The following PROM1 variants were observed in gnomAD, a reference collection of about 807,000 sequenced individuals.
PROM1 encodes the protein prominin 1.
Under a neutral mutation model 116.9 loss-of-function variants are expected in PROM1, and 105 were observed. That is an observed-to-expected ratio of 0.90 (90% CI 0.77 to 1.06). The LOEUF (loss-of-function observed/expected upper bound fraction) is 1.06. Among genes scored for constraint, PROM1 ranks in the 50% least tolerant of loss-of-function variants. PROM1 has a pLI of 0.00. For missense variants in PROM1, 1,122 were observed against 1,045.2 expected, an observed-to-expected ratio of 1.07 and a Z score of -1.01; for synonymous variants, 393 against 387.0, an observed-to-expected ratio of 1.02 and a Z score of -0.18.
chr4:16,024,246 G>A lies in PROM1; in HGVS notation c.694+49C>T. 3 of 1,489,040 alleles carry A rather than the reference G, an allele frequency of 2.0e-6. No homozygotes were observed. The South Asian group carries it at 3.5e-5, about 17-fold the overall frequency. The allele number at this position is 1,489,040 out of a possible 1,614,324, so 92.2% of individuals were successfully genotyped here. Reference sequence around the variant, plus strand: ...TCTTAGTCCATGTTTTATGGGAGATGAGTCAAAACAAAGAAAAAAAATGTG... The same window carrying A: ...TCTTAGTCCATGTTTTATGGGAGATAAGTCAAAACAAAGAAAAAAAATGTG... On this transcript the variant is annotated intron_variant, in intron 7 of 27. Coordinates refer to ENST00000447510, the MANE Select transcript of PROM1 (RefSeq NM_006017.3).
intron 2 of PROM1, among the ~76,000 whole-genome samples, chr4:16,047,575 T>TGTTAAAATTAGTTTC (rs1553922740): frequency 6.6e-6 from 1 of 152,100 alleles, no homozygotes; most frequent in African/African-American, 2.4e-5. Context: ...CAATTAGTTT[T>TGTTAAAATTAGTTTC]GTTACAATTA....
At chr4:16,018,073 A>G (rs1728864005) in intron 9 of PROM1, among the ~76,000 whole-genome samples, 1 of 152,044 alleles carries the variant, frequency 6.6e-6, no homozygotes, top group South Asian at 2.1e-4. Flanking sequence ...TTCTTTGTAA[A>G]GTTGAATTAA....
chr4:16,053,359 A>G (rs1738295224), intron 2 of PROM1, among the ~76,000 whole-genome samples: 1 of 152,240 alleles, frequency 6.6e-6, no homozygotes, highest in South Asian at 2.1e-4. Flanking sequence ...TTAACCAGCT[A>G]ACTAATTTTC....
chr4:16,045,644 T>C (rs1286974518), intron 2 of PROM1, among the ~76,000 whole-genome samples: 1 of 151,960 alleles, frequency 6.6e-6, no homozygotes, highest in Non-Finnish European at 1.5e-5. Context: ...AAAACAAAAC[T>C]TTTTTTTCAG....
intron 8 of PROM1, among the ~76,000 whole-genome samples, chr4:16,019,197 A>G (rs1057367187): frequency 6.6e-6 from 1 of 152,052 alleles, no homozygotes; most frequent in African/African-American, 2.4e-5. Flanking sequence ...TGCAAACCCT[A>G]CCCCCTAGGA....
At chr4:15,994,302 T>A (rs1314085298) in intron 15 of PROM1, among the ~76,000 whole-genome samples, 2 of 152,254 alleles carry the variant, frequency 1.3e-5, no homozygotes, top group Admixed American at 1.3e-4. Flanking sequence ...ATAGGATTGA[T>A]GAATATATCT....
chr4:16,015,816 G>A (rs966965026), intron 10 of PROM1, among the ~76,000 whole-genome samples: 12 of 152,132 alleles, frequency 7.9e-5, no homozygotes, highest in Non-Finnish European at 1.3e-4. Context: ...AGAGCAAAAA[G>A]AAAACCAGTA....
intron 8 of PROM1, 45 bp downstream of exon 8, chr4:16,023,281 A>G: frequency 6.8e-7 from 1 of 1,460,248 alleles, no homozygotes; most frequent in African/African-American, 1.4e-5. Context: ...AAGCCCAGGG[A>G]CTCCTGGATG....
intron 4 of PROM1, among the ~76,000 whole-genome samples, chr4:16,035,124 C>A (rs982104922): frequency 6.6e-6 from 1 of 152,148 alleles, no homozygotes; most frequent in Non-Finnish European, 1.5e-5. Context: ...CTTAAGCTAA[C>A]CCCCATCCCA....
chr4:16,077,075 G>A (rs567148470), intron 1 of PROM1, among the ~76,000 whole-genome samples: 24 of 152,330 alleles, frequency 1.6e-4, no homozygotes, highest in Admixed American at 8.5e-4. Context: ...CCCCCAGCCC[G>A]ACACCCGTAA....
chr4:16,039,443 A>G (rs1203177741), intron 2 of PROM1, among the ~76,000 whole-genome samples: 1 of 152,256 alleles, frequency 6.6e-6, no homozygotes, highest in East Asian at 1.9e-4. Flanking sequence ...GAATCTTAAA[A>G]TTAACTCAAC....
At chr4:15,972,992 C>G (rs954311576) in intron 26 of PROM1, among the ~76,000 whole-genome samples, 1 of 152,090 alleles carries the variant, frequency 6.6e-6, no homozygotes, top group Non-Finnish European at 1.5e-5. Flanking sequence ...TCCTGGCCCC[C>G]GAAGAACCTG....
At chr4:15,973,239 G>A (rs1715107390) in intron 26 of PROM1, among the ~76,000 whole-genome samples, 1 of 152,196 alleles carries the variant, frequency 6.6e-6, no homozygotes, top group Admixed American at 6.5e-5. Flanking sequence ...TTGACGTCAG[G>A]AGTTCAAGAC....
Position 15,992,026 on chromosome 4 carries a change from T to A in PROM1, c.1911+222A>T, listed in dbSNP as rs184073641. On this transcript the variant is annotated intron_variant, in intron 17 of 27. Coordinates refer to ENST00000447510, the MANE Select transcript of PROM1 (RefSeq NM_006017.3). Reference sequence around the variant, plus strand: ...GGAGGAGGAAATGGGGGCAACTGCTTTGGGGTTTGCTTTAGGGTGATGAAA... The same window carrying A: ...GGAGGAGGAAATGGGGGCAACTGCTATGGGGTTTGCTTTAGGGTGATGAAA... Among the ~76,000 whole-genome samples, 110 of 151,184 alleles carry A rather than the reference T, an allele frequency of 7.3e-4. 1 individual carries two copies. Among genetic ancestry groups the A allele is most frequent in the African/African-American group, 2.5e-3 (103 of 41,190 alleles).
chr4:16,007,568 A>G (rs1725837459), intron 12 of PROM1, among the ~76,000 whole-genome samples: 1 of 152,236 alleles, frequency 6.6e-6, no homozygotes, highest in Non-Finnish European at 1.5e-5. Flanking sequence ...GGTTTGTTCC[A>G]GACAGTGAGG....
intron 13 of PROM1, among the ~76,000 whole-genome samples, chr4:16,003,040 C>T (rs1176349773): frequency 6.6e-6 from 1 of 152,242 alleles, no homozygotes; most frequent in African/African-American, 2.4e-5. Flanking sequence ...ATATTTATTA[C>T]TTGGCCCTTC....
rs1438872226 is a variant in PROM1, at chr4:16,075,724, G to A, written c.183C>T (p.Ile61=). The change falls in exon 2 of 28, where the codon ATC becomes ATT. Residue 61 remains isoleucine, a synonymous_variant. Coordinates refer to ENST00000447510, the MANE Select transcript of PROM1 (RefSeq NM_006017.3). ...CACGCGGCTGTACCACATAGAGAAA[G>A]ATATGCACTAGTTCAAAGAGAATGC... ...PIGILFELVH[I]FLYVVQPRDF... The A allele has an allele frequency of 6.2e-7, 1 of 1,613,654 alleles. No homozygotes were observed. The highest frequency in any genetic ancestry group is 2.2e-5 in the East Asian group (1 of 44,870).
At chr4:15,989,562 G>C (rs112269713) in intron 19 of PROM1, among the ~76,000 whole-genome samples, 170 bp downstream of exon 19, 147 of 152,374 alleles carry the variant, frequency 9.6e-4, no homozygotes, top group Non-Finnish European at 1.7e-3. Context: ...ATAAGCAGCA[G>C]AGGGAGGTGC....
At chr4:16,038,173 T>G (rs943759893) in intron 3 of PROM1, among the ~76,000 whole-genome samples, 6 of 152,170 alleles carry the variant, frequency 3.9e-5, no homozygotes, top group Admixed American at 3.3e-4. Context: ...GCTATCATCC[T>G]TATCTCCACC....
Sources: gnomAD v4.1 joint callset for allele counts (sites outside exome capture counted in the v4.1 genomes callset) on GRCh38, gnomAD v4.1.1 for gene constraint, MANE v1.5 for transcripts, NCBI Gene and HGNC (gene_info 2026-07-23, HGNC 2026-07-21) for gene names.